SYNE3: variants seen among roughly 807,000 people sequenced by gnomAD.
The protein encoded by SYNE3 is spectrin repeat containing nuclear envelope family member 3, also known as nesprin-3.
In SYNE3, 100 loss-of-function variants were observed where a neutral mutation model predicts 111.2. The observed-to-expected ratio is 0.90, with a 90% CI of 0.77 to 1.06. SYNE3 has a LOEUF of 1.06. SYNE3 is among the 50% of genes least tolerant of loss of function. The probability of loss-of-function intolerance (pLI) is 0.00; values close to 1 mark genes in which losing one functional copy is unlikely to be tolerated. For synonymous variants in SYNE3, 547 were observed against 533.9 expected, an observed-to-expected ratio of 1.02 and a Z score of -0.34; for missense variants, 1,160 against 1,240.3, an observed-to-expected ratio of 0.94 and a Z score of 0.97.
In SYNE3 at chr14:95,446,006, T is replaced by C; in HGVS notation, c.1535A>G (p.Gln512Arg). The C allele has an allele frequency of 6.2e-7, 1 of 1,614,154 alleles. No individual in the cohort carries two copies. The highest frequency in any genetic ancestry group is 8.5e-7 in the Non-Finnish European group (1 of 1,180,038). Residue 512 changes from glutamine to arginine, a missense_variant, in exon 9 of 18, where the codon CAG becomes CGG. By Grantham distance (43) the Gln-to-Arg change is conservative. Transcript: ENST00000682763. ...CTCCAGGAGTGCCGTGGCTCTCTCC[T>C]GGCCAAAGATGCCAATCAGGAGGTC... ...KKDLLIGIFGQERATALLEQV... is the reference protein window; with the variant it reads ...KKDLLIGIFGRERATALLEQV...
At chr14:95,430,472 A>T (rs1208698589) in intron 17 of SYNE3, among the ~76,000 whole-genome samples, 2 of 152,162 alleles carry the variant, frequency 1.3e-5, no homozygotes, top group Non-Finnish European at 2.9e-5. Flanking sequence ...ACTTTCATAT[A>T]CAACAGTTCA....
At chr14:95,492,522 T>C (rs908958017) in intron 1 of SYNE3, among the ~76,000 whole-genome samples, 1 of 152,230 alleles carries the variant, frequency 6.6e-6, no homozygotes, top group Non-Finnish European at 1.5e-5. Context: ...AAAGGTCCCA[T>C]GTATTGTATG....
chr14:95,420,281 T>C (rs1030127613), intron 17 of SYNE3, among the ~76,000 whole-genome samples: 12 of 152,070 alleles, frequency 7.9e-5, no homozygotes, highest in African/African-American at 2.9e-4. Flanking sequence ...AGCTGCTGGG[T>C]TGGGTGGGGC....
chr14:95,456,720 C>T (rs1264099135), intron 5 of SYNE3, among the ~76,000 whole-genome samples: 1 of 152,146 alleles, frequency 6.6e-6, no homozygotes, highest in Non-Finnish European at 1.5e-5. Flanking sequence ...TTCCACACTT[C>T]TCCTCACGGG....
At chr14:95,437,547 G>A (rs938290773) in intron 14 of SYNE3, among the ~76,000 whole-genome samples, 4 of 152,200 alleles carry the variant, frequency 2.6e-5, no homozygotes, top group Admixed American at 6.5e-5. Context: ...CCACTCAGCC[G>A]TGAAAATTCA....
chr14:95,465,515 T>A lies in SYNE3; in HGVS notation c.627+416A>T, dbSNP rs117604876. 1.4e-3 allele frequency among the ~76,000 whole-genome samples: 209 copies of A among 151,968 alleles called. 3 individuals are homozygous for A. In the South Asian group the frequency reaches 0.022, roughly 16 times the overall value. On this transcript the variant is annotated intron_variant, in intron 4 of 17. Coordinates refer to ENST00000682763, the MANE Select transcript of SYNE3 (RefSeq NM_152592.6). ...GTGAGTGAGGAAGAGGTGGCTGGGTTGATGGGTAGGTGAATGAGTAGATAG... is the reference window on the plus strand; with the variant it reads ...GTGAGTGAGGAAGAGGTGGCTGGGTAGATGGGTAGGTGAATGAGTAGATAG...
chr14:95,429,741 GC>G (rs1165244078), intron 17 of SYNE3, among the ~76,000 whole-genome samples: 1 of 152,166 alleles, frequency 6.6e-6, no homozygotes, highest in East Asian at 1.9e-4. Context: ...ACCAAGCTGT[GC>G]CCAACGTCTT....
chr14:95,513,840 T>C (rs1269444513), intron 1 of SYNE3, among the ~76,000 whole-genome samples: 2 of 150,286 alleles, frequency 1.3e-5, no homozygotes. Context: ...GTCCGGTCAG[T>C]ACTGTTTTCC....
chr14:95,436,923 T>A lies in SYNE3; in HGVS notation c.2435A>T (p.Asn812Ile). Residue 812 changes from asparagine (N) to isoleucine (I), a missense_variant, in exon 15 of 18, where the codon AAC becomes ATC. Transcript: ENST00000682763. Reference sequence around the variant, plus strand: ...TTCCACCTGCAACCACTGCCCAAAGTTCCTCAGGAGCTGGGAGAAATCTTC... The same window carrying A: ...TTCCACCTGCAACCACTGCCCAAAGATCCTCAGGAGCTGGGAGAAATCTTC... ...SHEDFSQLLR[N>I]FGQWLQVENS... is the part of the protein sequence containing the mutation. 1 of 1,614,164 alleles carries A rather than the reference T, an allele frequency of 6.2e-7. No homozygotes were observed. Among genetic ancestry groups the A allele is most frequent in the Non-Finnish European group, 8.5e-7 (1 of 1,180,032 alleles).
chr14:95,449,818 C>T (rs1339364501), intron 8 of SYNE3, 113 bp downstream of exon 8: 30 of 1,458,204 alleles, frequency 2.1e-5, no homozygotes, highest in Non-Finnish European at 2.7e-5. Flanking sequence ...AGTGAGCTCT[C>T]CCCAGATATC....
chr14:95,437,363 C>T (rs1285975105), intron 14 of SYNE3, among the ~76,000 whole-genome samples: 4 of 152,256 alleles, frequency 2.6e-5, no homozygotes, highest in Non-Finnish European at 4.4e-5. Flanking sequence ...CACTACTCCC[C>T]AGTGTGACCC....
chr14:95,448,805 G>T (rs1437360062), intron 8 of SYNE3, among the ~76,000 whole-genome samples: 3 of 152,214 alleles, frequency 2.0e-5, no homozygotes, highest in African/African-American at 4.8e-5. Context: ...TGTACCCAAG[G>T]GTGAGCAGGG....
chr14:95,473,267 A>G (rs776662257), intron 2 of SYNE3, among the ~76,000 whole-genome samples: 3 of 151,692 alleles, frequency 2.0e-5, no homozygotes, highest in African/African-American at 4.8e-5. Flanking sequence ...GGGCCCATCC[A>G]CCCTGGTCCT....
chr14:95,429,926 G>C (rs1020606334), intron 17 of SYNE3: 2 of 967,234 alleles, frequency 2.1e-6, no homozygotes, highest in Admixed American at 1.6e-4. Context: ...TACAGGACAG[G>C]TCACTGCTCT....
intron 16 of SYNE3, 70 bp downstream of exon 16, chr14:95,433,190 C>T: frequency 1.3e-6 from 2 of 1,567,220 alleles, no homozygotes; most frequent in East Asian, 2.2e-5. Flanking sequence ...AGCACTGTAT[C>T]CCCAGGCAAA....
chr14:95,505,517 A>C (rs1890497465), intron 1 of SYNE3, among the ~76,000 whole-genome samples: 1 of 152,192 alleles, frequency 6.6e-6, no homozygotes, highest in South Asian at 2.1e-4. Context: ...CCGCTTCTTC[A>C]CAGTGTGGCC....
At chr14:95,442,490 G>A (rs971516375) in intron 11 of SYNE3, among the ~76,000 whole-genome samples, 1 of 152,184 alleles carries the variant, frequency 6.6e-6, no homozygotes, top group Admixed American at 6.5e-5. Context: ...TTCTTGAGGT[G>A]TGAGCACCAG....
intron 13 of SYNE3, 133 bp from the exon 14 acceptor site, chr14:95,439,295 T>C: frequency 7.5e-7 from 1 of 1,330,862 alleles, no homozygotes; most frequent in South Asian, 1.3e-5. Flanking sequence ...AGAATGTTCC[T>C]GAGGCATGCT....
intron 4 of SYNE3, among the ~76,000 whole-genome samples, chr14:95,464,789 C>T (rs928954880): frequency 6.6e-6 from 1 of 152,226 alleles, no homozygotes; most frequent in Non-Finnish European, 1.5e-5. Context: ...GGACAACACC[C>T]CCCAAGGAAA....
Sources: gnomAD v4.1 joint callset for allele counts (sites outside exome capture counted in the v4.1 genomes callset) on GRCh38, gnomAD v4.1.1 for gene constraint, MANE v1.5 for transcripts, NCBI Gene and HGNC (gene_info 2026-07-23, HGNC 2026-07-21) for gene names.